Variants in MED16 observed in about 807,000 individuals in gnomAD.
The protein encoded by MED16 is mediator complex subunit 16.
A neutral mutation model predicts 84.4 loss-of-function variants in MED16; 81 were observed. The observed-to-expected ratio is 0.96, with a 90% CI of 0.80 to 1.15. MED16 has a LOEUF of 1.15. MED16 is among the 50% of genes most tolerant of loss of function. MED16 has a pLI of 0.00. For missense variants in MED16, 1,585 were observed against 1,245.9 expected (o/e 1.27, Z -4.10); for synonymous variants, 897 against 552.2 (o/e 1.62, Z -8.76).
At chr19:877,453 C>G (rs1188214325) in intron 8 of MED16, among the ~76,000 whole-genome samples, 2 of 152,152 alleles carry the variant, frequency 1.3e-5, no homozygotes, top group African/African-American at 4.8e-5. Flanking sequence ...CCTGAGGAGT[C>G]TACCCCGTGA....
chr19:868,567 T>C (rs1390283588), intron 14 of MED16, 68 bp from the exon 15 acceptor site: 1 of 1,578,722 alleles, frequency 6.3e-7, no homozygotes, highest in Non-Finnish European at 8.5e-7. Flanking sequence ...TGCCCCACTT[T>C]TGCTTCCAGG....
intron 8 of MED16, among the ~76,000 whole-genome samples, 173 bp downstream of exon 8, chr19:879,763 GC>G (rs2036370337): frequency 8.5e-5 from 2 of 23,642 alleles, no homozygotes; most frequent in African/African-American, 2.9e-4. Flanking sequence ...ATGCCCACCA[GC>G]CCCAGCCCCA....
chr19:870,051 G>T (rs949180320), intron 13 of MED16, among the ~76,000 whole-genome samples: 2 of 152,198 alleles, frequency 1.3e-5, no homozygotes, highest in Non-Finnish European at 2.9e-5. Flanking sequence ...ACATTCCAGA[G>T]AAAGGCCAGC....
chr19:873,324 TAGGGGCGGGACTCCAAC>T, intron 11 of MED16, 108 bp downstream of exon 11: 4 of 253,538 alleles, frequency 1.6e-5, no homozygotes, highest in Non-Finnish European at 1.7e-5. Flanking sequence ...GGACTCCAAG[TAGGGGCGGGACTCCAAC>T]TAGGGGCGGG....
Position 880,096 on chromosome 19 carries a change from T to G in MED16, c.1194A>C (p.Ser398=), listed in dbSNP as rs760748257. The change falls in exon 8 of 16, where the codon TCA becomes TCC. Residue 398 remains serine, a synonymous_variant. Transcript: ENST00000325464. ...TGTAGAAGACGGCCATGGTCTGCAGTGAGAGCCGGTGCACGATGTGGACGC... is the reference window on the plus strand; with the variant it reads ...TGTAGAAGACGGCCATGGTCTGCAGGGAGAGCCGGTGCACGATGTGGACGC... The part of the protein sequence containing the change: ...DGSVHIVHRL[S]LQTMAVFYSS... 4 of 1,610,576 alleles carry G rather than the reference T, an allele frequency of 2.5e-6. No individual in the cohort carries two copies. The African/African-American group carries it at 4.0e-5, about 16-fold the overall frequency.
At chr19:890,378 C>T (rs545004768) in intron 2 of MED16, 134 bp from the exon 3 acceptor site, 18 of 607,564 alleles carry the variant, frequency 3.0e-5, no homozygotes, top group African/African-American at 9.3e-5. Context: ...TCAGCCGAGT[C>T]GACAGCTCAG....
Position 873,602 on chromosome 19 carries a change from G to C in MED16, c.1772-20C>G, listed in dbSNP as rs377662708. ...CAATGTCTACAAGGAGACGTGGGTC[G>C]GGTCAGCTCGGGCCTCTTGTACACA... On this transcript the variant is annotated intron_variant, in intron 10 of 15. Coordinates refer to ENST00000325464, the MANE Select transcript of MED16 (RefSeq NM_005481.3). 3 of 1,611,162 alleles carry C rather than the reference G, an allele frequency of 1.9e-6. No individual in the cohort carries two copies. Among genetic ancestry groups the C allele is most frequent in the South Asian group, 1.1e-5 (1 of 91,054 alleles).
At position 868,198 on chromosome 19, in the gene MED16, T is replaced by A; in HGVS notation, c.2537A>T (p.Glu846Val). ...DACVTSRASE[E>V]APAFVQLGPQ... Reference sequence around the variant, plus strand: ...GCCCAGCTGGACAAAGGCAGGGGCTTCCTCAGAAGCTCTGCTGGTCACGCA... The same window carrying A: ...GCCCAGCTGGACAAAGGCAGGGGCTACCTCAGAAGCTCTGCTGGTCACGCA... Residue 846 changes from glutamate (E) to valine (V), a missense_variant, in exon 16 of 16, where the codon GAA becomes GTA. Physicochemically the swap from Glu to Val is moderately radical, Grantham distance 121. Transcript: ENST00000325464. 6.2e-7 allele frequency: 1 copy of A among 1,606,586 alleles called. No individual in the cohort carries two copies. Among genetic ancestry groups the A allele is most frequent in the Non-Finnish European group, 8.5e-7 (1 of 1,177,236 alleles).
chr19:878,677 AACAGCC>A (rs1351840392), intron 8 of MED16, among the ~76,000 whole-genome samples: 10 of 109,200 alleles, frequency 9.2e-5, no homozygotes, highest in East Asian at 3.1e-4. Context: ...GTCAATGCCC[AACAGCC>A]CCAACCCCAC....
chr19:877,099 C>G lies in MED16; in HGVS notation c.1435G>C (p.Glu479Gln), dbSNP rs965541772. The G allele has an allele frequency of 3.7e-6, 6 of 1,612,564 alleles. No homozygotes were observed. Among genetic ancestry groups the G allele is most frequent in the Non-Finnish European group, 5.1e-6 (6 of 1,179,908 alleles). ...LALRHLLFLL[E>Q]YCMVTGYDWW... Reference sequence around the variant, plus strand: ...TCGTAGCCGGTCACCATGCAGTACTCCAGCAGGAAGAGCAGGTGCCGCAGC... The same window carrying G: ...TCGTAGCCGGTCACCATGCAGTACTGCAGCAGGAAGAGCAGGTGCCGCAGC... The change falls in exon 9 of 16, where the codon GAG becomes CAG. Residue 479 changes from glutamate to glutamine, a missense_variant. Transcript: ENST00000325464.
At chr19:871,582 C>T (rs1233399652) in intron 12 of MED16, 2 of 1,595,626 alleles carry the variant, frequency 1.3e-6, no homozygotes, top group Non-Finnish European at 8.5e-7. Flanking sequence ...CACAACCCGA[C>T]AAGGAGAGAC....
At chr19:892,734 G>A in intron 1 of MED16, 1 of 138,786 alleles carries the variant, frequency 7.2e-6, no homozygotes, top group Non-Finnish European at 1.6e-5. Context: ...CTCCACCCCG[G>A]CGACCCCAAA....
chr19:891,448 G>A (rs2036629848), intron 1 of MED16, among the ~76,000 whole-genome samples: 1 of 152,220 alleles, frequency 6.6e-6, no homozygotes. Context: ...GGGGGCCAAG[G>A]GCACAGCCGG....
chr19:891,894 C>T (rs1353351102), intron 1 of MED16, among the ~76,000 whole-genome samples: 2 of 122,882 alleles, frequency 1.6e-5, no homozygotes, highest in African/African-American at 6.4e-5. Context: ...CTGAGTGTGA[C>T]GGGGAACACC....
At chr19:872,568 G>A (rs1216325522) in intron 11 of MED16, among the ~76,000 whole-genome samples, 2 of 151,936 alleles carry the variant, frequency 1.3e-5, no homozygotes. Context: ...TGGGCGCGGT[G>A]GAGAAGGGCG....
chr19:873,653 G>A (rs1048902622), intron 10 of MED16, 71 bp from the exon 11 acceptor site: 9 of 1,571,798 alleles, frequency 5.7e-6, no homozygotes, highest in Admixed American at 1.7e-5. Flanking sequence ...GCACCCCTCG[G>A]TCCTTCGACC....
In MED16 at chr19:874,270, C is replaced by T. The variant is rs192591069; in HGVS notation, c.1772-688G>A. The stretch of plus-strand genomic sequence containing the variant: ...CTGGGACTACAGGCGCCCGCCACCA[C>T]GCCCGGCTGATTTTTGTATTTTTAG... On this transcript the variant is annotated intron_variant, in intron 10 of 15. Coordinates refer to ENST00000325464, the MANE Select transcript of MED16 (RefSeq NM_005481.3). Among the ~76,000 whole-genome samples, 889 of 152,252 alleles carry T rather than the reference C, an allele frequency of 5.8e-3. 13 individuals are homozygous for T. The highest frequency in any genetic ancestry group is 0.02 in the African/African-American group (845 of 41,546).
Position 891,246 on chromosome 19 carries a change from G to T in MED16, c.-18-97C>A, listed in dbSNP as rs898874630. The T allele has an allele frequency of 1.2e-5, 15 of 1,244,714 alleles. No individual in the cohort carries two copies. The African/African-American group carries it at 2.3e-4, about 19-fold the overall frequency. The allele number at this position is 1,244,714 out of a possible 1,614,324, so 77.1% of individuals were successfully genotyped here. On this transcript the variant is annotated intron_variant, in intron 1 of 15. Coordinates refer to ENST00000325464, the MANE Select transcript of MED16 (RefSeq NM_005481.3). ...AGTGGGAAAACAATGGAGGCCCGTG[G>T]TAGAGGGAACAGCCGATGCAAAGGC...
intron 5 of MED16, 31 bp from the exon 6 acceptor site, chr19:885,039 C>T (rs760892238): frequency 3.7e-5 from 57 of 1,536,608 alleles, no homozygotes; most frequent in African/African-American, 6.8e-5. Flanking sequence ...AGGGCTGACC[C>T]GGCACTGCTG....
Sources: gnomAD v4.1 joint callset for allele counts (sites outside exome capture counted in the v4.1 genomes callset) on GRCh38, gnomAD v4.1.1 for gene constraint, MANE v1.5 for transcripts, NCBI Gene and HGNC (gene_info 2026-07-23, HGNC 2026-07-21) for gene names.